RFLNA: variants seen among roughly 807,000 people sequenced by gnomAD.
The protein encoded by RFLNA is refilin A, also known as refilin-A.
In RFLNA, 5 loss-of-function variants were observed where a neutral mutation model predicts 7.8. That is an observed-to-expected ratio of 0.64 (90% CI 0.34 to 1.35). The LOEUF (loss-of-function observed/expected upper bound fraction) is 1.35, where lower values mean the gene tolerates loss of function less well. RFLNA is among the 40% of genes most tolerant of loss of function. The pLI is 0.04. For missense variants in RFLNA, 278 were observed against 305.5 expected, an observed-to-expected ratio of 0.91 and a Z score of 0.67; for synonymous variants, 141 against 131.3, an observed-to-expected ratio of 1.07 and a Z score of -0.50.
In RFLNA at chr12:124,311,974, G is replaced by T; in HGVS notation, c.317+47G>T. On this transcript the variant is annotated intron_variant, in intron 2 of 2. Coordinates refer to ENST00000546355, the MANE Select transcript of RFLNA (RefSeq NM_001365156.1). ...GCGCGGGAGGAGGGGGTGGGGGGTTGGGTGCTGGTCCTGACTCTCTTGTGG... is the reference window on the plus strand; with the variant it reads ...GCGCGGGAGGAGGGGGTGGGGGGTTTGGTGCTGGTCCTGACTCTCTTGTGG... 3 of 1,444,112 alleles carry T rather than the reference G, an allele frequency of 2.1e-6. No homozygotes were observed. In the South Asian group the frequency reaches 3.9e-5, roughly 19 times the overall value. 89.5% of individuals were successfully genotyped at this position (1,444,112 alleles called of 1,614,324 possible). A position where few individuals can be genotyped will look rare whatever the true frequency, so the allele number is the denominator to read the frequency against.
chr12:124,313,674 G>A (rs1016302833), intron 2 of RFLNA, among the ~76,000 whole-genome samples: 2 of 87,900 alleles, frequency 2.3e-5, no homozygotes, highest in Admixed American at 1.2e-4. Context: ...GCGAGACTCC[G>A]TCTCAAAAAA....
intron 1 of RFLNA, among the ~76,000 whole-genome samples, chr12:124,298,601 G>A (rs143845121): frequency 4.4e-4 from 67 of 152,340 alleles, no homozygotes; most frequent in African/African-American, 1.3e-3. Flanking sequence ...GGGCCATGGA[G>A]GACACAGCAG....
upstream of RFLNA, among the ~76,000 whole-genome samples, chr12:124,294,960 C>G (rs2048774913): frequency 6.6e-6 from 1 of 152,126 alleles, no homozygotes; most frequent in African/African-American, 2.4e-5. Context: ...TGGCTGGGCG[C>G]GCAGTGCCCA....
At chr12:124,294,592 C>A (rs1593022851), upstream of RFLNA, among the ~76,000 whole-genome samples, 3 of 5,510 alleles carry the variant, frequency 5.4e-4, 1 homozygote, top group African/African-American at 5.8e-4. Flanking sequence ...TGCTGCTCAT[C>A]GCCCCCGCCG....
At chr12:124,312,355 G>T (rs570118240) in intron 2 of RFLNA, among the ~76,000 whole-genome samples, 21 of 149,954 alleles carry the variant, frequency 1.4e-4, no homozygotes, top group Admixed American at 5.3e-4. Flanking sequence ...GTGTCACCCA[G>T]GCTGAAGTGC....
upstream of RFLNA, among the ~76,000 whole-genome samples, chr12:124,290,147 A>T (rs1262700630): frequency 6.6e-6 from 1 of 152,232 alleles, no homozygotes; most frequent in African/African-American, 2.4e-5. The surrounding 1 kb of genome is among the most constrained non-coding windows in gnomAD (Gnocchi z 4.0). Flanking sequence ...TCCCTAGGAA[A>T]GACAAAGATT....
rs1165061619 is a variant in RFLNA at position 124,296,072 on chromosome 12, T to TTTTCTTTCTTTCTTTCTTTCTTTC, written c.207+466_207+489dup. On this transcript the variant is annotated intron_variant, in intron 1 of 2. Coordinates refer to ENST00000546355, the MANE Select transcript of RFLNA (RefSeq NM_001365156.1). ...TCCGGGCGCTGCCAATGTGAAAGCC[T>TTTTCTTTCTTTCTTTCTTTCTTTC]TTTCTTTCTTTCTTTCTTTCTTTCT... is the stretch of plus-strand genomic sequence containing the variant. 1.6e-3 allele frequency among the ~76,000 whole-genome samples: 156 copies of TTTTCTTTCTTTCTTTCTTTCTTTC among 94,676 alleles called. 18 individuals carry two copies. The highest frequency in any genetic ancestry group is 3.0e-3 in the East Asian group (10 of 3,370). The allele number at this position is 94,676 out of a possible 152,430, so 62.1% of individuals were successfully genotyped here.
intron 1 of RFLNA, among the ~76,000 whole-genome samples, chr12:124,307,979 C>T (rs1442791539): frequency 1.4e-5 from 2 of 146,854 alleles, no homozygotes; most frequent in African/African-American, 2.6e-5. Context: ...CGTCTGTGTC[C>T]GCTCTTTTTT....
At chr12:124,308,451 C>CAAGGCAGG (rs2034176553) in intron 1 of RFLNA, among the ~76,000 whole-genome samples, 2 of 151,350 alleles carry the variant, frequency 1.3e-5, no homozygotes, top group Admixed American at 1.3e-4. Flanking sequence ...CCCTGTTCTA[C>CAAGGCAGG]CCACACTGCC....
chr12:124,308,424 TGGG>T, intron 1 of RFLNA, among the ~76,000 whole-genome samples: 2 of 151,032 alleles, frequency 1.3e-5, no homozygotes, highest in Admixed American at 1.3e-4. Flanking sequence ...TGCGTGGACA[TGGG>T]CTTTGGGGGG....
intron 1 of RFLNA, among the ~76,000 whole-genome samples, chr12:124,297,146 T>C (rs10773079): frequency 4.5e-4 from 68 of 152,178 alleles, no homozygotes; most frequent in Non-Finnish European, 7.9e-4. Flanking sequence ...AAAAACGACC[T>C]GGAATCCGCC....
intron 2 of RFLNA, among the ~76,000 whole-genome samples, chr12:124,313,151 G>C (rs1275072052): frequency 2.0e-5 from 3 of 152,220 alleles, no homozygotes; most frequent in Admixed American, 6.5e-5. Flanking sequence ...AGCCCAGCAA[G>C]GGTGGAGGAT....
chr12:124,313,042 C>T (rs1391689710), intron 2 of RFLNA, among the ~76,000 whole-genome samples: 1 of 152,206 alleles, frequency 6.6e-6, no homozygotes, highest in African/African-American at 2.4e-5. Context: ...AGGCAATGGT[C>T]CCAGGAGACA....
At position 124,306,664 on chromosome 12, in the gene RFLNA, G is replaced by C. The variant is rs2034142588; in HGVS notation, c.208-5154G>C. 6.6e-6 allele frequency among the ~76,000 whole-genome samples: 1 copy of C among 152,180 alleles called. No homozygotes were observed. Among genetic ancestry groups the C allele is most frequent in the African/African-American group, 2.4e-5 (1 of 41,436 alleles). On this transcript the variant is annotated intron_variant, in intron 1 of 2. Coordinates refer to ENST00000546355, the MANE Select transcript of RFLNA (RefSeq NM_001365156.1). The surrounding 1 kb of genome is among the most constrained non-coding windows in gnomAD (Gnocchi z 5.2). Reference sequence around the variant, plus strand: ...TCGGTTTCCACATGTGGAAAATGGGGGTGCTGCCAGCAGCTGCGTGCTGGG... The same window carrying C: ...TCGGTTTCCACATGTGGAAAATGGGCGTGCTGCCAGCAGCTGCGTGCTGGG...
intron 1 of RFLNA, among the ~76,000 whole-genome samples, chr12:124,302,548 C>A (rs1566324040): frequency 6.6e-6 from 1 of 152,104 alleles, no homozygotes; most frequent in Non-Finnish European, 1.5e-5. Flanking sequence ...GAAAGACCCA[C>A]CCCTGCCCCG....
intron 1 of RFLNA, among the ~76,000 whole-genome samples, chr12:124,298,631 C>G (rs1029094639): frequency 6.6e-6 from 1 of 152,234 alleles, no homozygotes. Context: ...TGCTGACGGT[C>G]CCTGCCCTCA....
At chr12:124,299,878 G>C (rs953671093) in intron 1 of RFLNA, among the ~76,000 whole-genome samples, 3 of 152,202 alleles carry the variant, frequency 2.0e-5, no homozygotes, top group African/African-American at 7.2e-5. Flanking sequence ...AACACCCATT[G>C]CTCTTCTCCT....
upstream of RFLNA, among the ~76,000 whole-genome samples, chr12:124,294,438 G>A (rs1350610552): frequency 6.6e-6 from 1 of 152,218 alleles, no homozygotes; most frequent in Non-Finnish European, 1.5e-5. Flanking sequence ...CATCTGATAA[G>A]AAAACAGTAA....
chr12:124,314,090 T>G (rs2034303179), intron 2 of RFLNA, 102 bp from the exon 3 acceptor site: 5 of 1,429,094 alleles, frequency 3.5e-6, no homozygotes, highest in Non-Finnish European at 4.7e-6. Context: ...CCCGTTAGGC[T>G]TCAGAGCATC....
Sources: allele counts gnomAD v4.1 joint callset (sites outside exome capture counted in the v4.1 genomes callset), GRCh38; gene constraint gnomAD v4.1.1; non-coding constraint Gnocchi (gnomAD v3.1); transcripts MANE v1.5; gene names NCBI Gene and HGNC (gene_info 2026-07-23, HGNC 2026-07-21).